Variants in COA1 observed in about 807,000 individuals in gnomAD.
The protein encoded by COA1 is cytochrome c oxidase assembly factor 1.
Under a neutral mutation model 16.0 loss-of-function variants are expected in COA1, and 13 were observed. The ratio of observed to expected loss-of-function variants is 0.81; its 90% CI spans 0.53 to 1.29. The LOEUF (loss-of-function observed/expected upper bound fraction) is 1.29. Ranked by LOEUF, COA1 falls within the 50% of genes most tolerant of loss-of-function variation. The probability of loss-of-function intolerance (pLI) is 0.00; values close to 1 mark genes in which losing one functional copy is unlikely to be tolerated. For missense variants in COA1, 179 were observed against 177.0 expected (o/e 1.01, Z -0.06); for synonymous variants, 65 against 65.7 (o/e 0.99, Z 0.05).
downstream of COA1, among the ~76,000 whole-genome samples, chr7:43,635,198 A>G (rs989566752): frequency 7.2e-5 from 11 of 152,204 alleles, no homozygotes; most frequent in Non-Finnish European, 1.3e-4. Context: ...ATGTTCTGCA[A>G]TCAATGGTTT....
At chr7:43,634,158 A>G (rs1221932479) in intron 6 of COA1, among the ~76,000 whole-genome samples, 3 of 152,050 alleles carry the variant, frequency 2.0e-5, no homozygotes, top group African/African-American at 4.8e-5. Flanking sequence ...TCCTTGTCAG[A>G]TAATTCTAAA....
chr7:43,663,729 C>G (rs1035853980), intron 1 of COA1, among the ~76,000 whole-genome samples: 2 of 148,442 alleles, frequency 1.3e-5, no homozygotes, highest in Non-Finnish European at 3.0e-5. Flanking sequence ...TGACCATCAA[C>G]TCTCCATTTC....
intron 1 of COA1, among the ~76,000 whole-genome samples, chr7:43,694,501 A>T (rs2094470891): frequency 6.6e-6 from 1 of 152,130 alleles, no homozygotes; most frequent in Admixed American, 6.5e-5. Flanking sequence ...GTCAATTCTC[A>T]GCGCTCATTT....
Position 43,722,157 on chromosome 7 carries a change from T to G in COA1, c.-39+7272A>C, listed in dbSNP as rs559011854. ...TCAGGCTGGAGTGCAGTGGCGCCAC[T>G]GCAACTCACTACAGCCTCGACCTCC... On this transcript the variant is annotated intron_variant, in intron 1 of 5. Coordinates refer to ENST00000223336, the MANE Select transcript of COA1 (RefSeq NM_018224.4). 1.7e-4 allele frequency among the ~76,000 whole-genome samples: 25 copies of G among 145,706 alleles called. 1 individual carries two copies. Among genetic ancestry groups the G allele is most frequent in the African/African-American group, 6.2e-4 (25 of 40,058 alleles).
intron 1 of COA1, among the ~76,000 whole-genome samples, chr7:43,663,688 A>AG (rs59026045): frequency 1.1e-5 from 1 of 92,410 alleles, no homozygotes. Context: ...AAAAAAAAAA[A>AG]CACACACACA....
At chr7:43,653,206 G>A (rs1343770424) in intron 1 of COA1, among the ~76,000 whole-genome samples, 1 of 152,084 alleles carries the variant, frequency 6.6e-6, no homozygotes, top group Non-Finnish European at 1.5e-5. Context: ...CAGCTACTCG[G>A]GAGGCTGAGG....
intron 1 of COA1, among the ~76,000 whole-genome samples, chr7:43,697,148 A>G (rs897434517): frequency 6.6e-6 from 1 of 152,044 alleles, no homozygotes; most frequent in Non-Finnish European, 1.5e-5. Context: ...ACAAATAAAA[A>G]AAAGAAAAGC....
intron 6 of COA1, among the ~76,000 whole-genome samples, chr7:43,609,840 C>T (rs932115180): frequency 2.6e-5 from 4 of 152,218 alleles, no homozygotes; most frequent in African/African-American, 7.2e-5. Flanking sequence ...TCTCACACCA[C>T]GATCATCTAC....
chr7:43,682,084 C>T (rs2130490043), intron 1 of COA1, among the ~76,000 whole-genome samples: 1 of 152,248 alleles, frequency 6.6e-6, no homozygotes, highest in South Asian at 2.1e-4. Flanking sequence ...TAATAAAATA[C>T]ATAATATGAA....
chr7:43,685,934 C>A (rs2094001063), intron 1 of COA1, among the ~76,000 whole-genome samples: 1 of 152,146 alleles, frequency 6.6e-6, no homozygotes, highest in African/African-American at 2.4e-5. Context: ...CTATCTTTAA[C>A]AAATCCTGGT....
chr7:43,682,014 G>A (rs948749959), intron 1 of COA1, among the ~76,000 whole-genome samples: 9 of 152,130 alleles, frequency 5.9e-5, no homozygotes, highest in African/African-American at 2.2e-4. Flanking sequence ...TGGAACGTGC[G>A]GGTTTGGAAG....
intron 1 of COA1, among the ~76,000 whole-genome samples, chr7:43,653,042 G>T (rs961290007): frequency 6.6e-6 from 1 of 152,226 alleles, no homozygotes; most frequent in African/African-American, 2.4e-5. Flanking sequence ...AAAGAAGTAT[G>T]TGGCTCACAC....
chr7:43,684,536 A>T (rs747487557), intron 1 of COA1, among the ~76,000 whole-genome samples: 53 of 152,176 alleles, frequency 3.5e-4, no homozygotes, highest in Admixed American at 1.2e-3. Context: ...CATTACTTTC[A>T]CCATATTCTA....
At chr7:43,700,545 T>TATATAC (rs1554550045) in intron 1 of COA1, among the ~76,000 whole-genome samples, 1 of 144,454 alleles carries the variant, frequency 6.9e-6, no homozygotes, top group Non-Finnish European at 1.6e-5. Flanking sequence ...TATATATATA[T>TATATAC]ATACATACAC....
chr7:43,621,353 T>C (rs1291743802), intron 6 of COA1, among the ~76,000 whole-genome samples: 1 of 152,246 alleles, frequency 6.6e-6, no homozygotes, highest in Non-Finnish European at 1.5e-5. Flanking sequence ...CCAAGTGTTT[T>C]AGCCAAATTT....
chr7:43,711,291 A>G (rs1175521653), intron 1 of COA1: 1 of 152,026 alleles, frequency 6.6e-6, no homozygotes, highest in Non-Finnish European at 1.5e-5. Context: ...TAGGGAAATA[A>G]TGTACCCACT....
At chr7:43,718,651 TTG>T (rs1376841300) in intron 1 of COA1, among the ~76,000 whole-genome samples, 1 of 151,718 alleles carries the variant, frequency 6.6e-6, no homozygotes, top group Admixed American at 6.6e-5. Context: ...ATTGGGAGAG[TTG>T]TTTCTTAGCA....
At chr7:43,684,881 A>T (rs1007360184) in intron 1 of COA1, among the ~76,000 whole-genome samples, 4 of 152,168 alleles carry the variant, frequency 2.6e-5, no homozygotes, top group Admixed American at 6.5e-5. Context: ...AGCTCTGAAG[A>T]AACTTTAGAC....
At chr7:43,673,827 G>A (rs2093385970) in intron 1 of COA1, among the ~76,000 whole-genome samples, 1 of 152,152 alleles carries the variant, frequency 6.6e-6, no homozygotes, top group Admixed American at 6.5e-5. Flanking sequence ...AAAAGAACAA[G>A]ATCATGTCCT....
Sources: gnomAD v4.1 joint callset for allele counts (sites outside exome capture counted in the v4.1 genomes callset) on GRCh38, gnomAD v4.1.1 for gene constraint, MANE v1.5 for transcripts, NCBI Gene and HGNC (gene_info 2026-07-23, HGNC 2026-07-21) for gene names.